KCNN2: variants seen among roughly 807,000 people sequenced by gnomAD.
KCNN2 encodes potassium calcium-activated channel subfamily N member 2.
KCNN2 carries 24 observed loss-of-function variants against 55.5 expected under a neutral mutation model. The ratio of observed to expected loss-of-function variants is 0.43; its 90% CI spans 0.31 to 0.61. The LOEUF (loss-of-function observed/expected upper bound fraction) is 0.61, where lower values mean the gene tolerates loss of function less well. KCNN2 is among the 20% of genes least tolerant of loss of function. The pLI, the probability that KCNN2 is intolerant of heterozygous loss-of-function variation, is 0.08. For missense variants in KCNN2, 754 were observed against 853.6 expected (o/e 0.88, Z 1.45); for synonymous variants, 431 against 336.1 (o/e 1.28, Z -3.09).
At chr5:114,277,069 G>A (rs3112753) in intron 2 of KCNN2, among the ~76,000 whole-genome samples, 136,230 of 151,852 alleles carry the variant, frequency 0.9, 61,513 homozygotes, top group East Asian at 0.94. Flanking sequence ...TTGTCTGTAA[G>A]GGATTTTATA....
At position 114,167,315 on chromosome 5, in the gene KCNN2, G is replaced by A. The variant is rs553739492; in HGVS notation, c.-270-54165G>A. 5.9e-5 allele frequency among the ~76,000 whole-genome samples: 9 copies of A among 152,170 alleles called. No individual in the cohort carries two copies. The South Asian group carries it at 1.9e-3, about 32-fold the overall frequency. On this transcript the variant is annotated intron_variant, in intron 1 of 10. Coordinates refer to the KCNN2 transcript ENST00000512097. ...AATGGTTATTATTTTATGCTACCAA[G>A]TTTGATTTGTTATACAGGATTAATA...
At chr5:114,264,050 C>T (rs4618418) in intron 2 of KCNN2, among the ~76,000 whole-genome samples, 129,938 of 152,186 alleles carry the variant, frequency 0.85, 55,586 homozygotes, top group East Asian at 0.94. Context: ...GTGAACCTGA[C>T]TTTTAGACTA....
At chr5:114,417,721 A>G (rs1281524826) in intron 3 of KCNN2, among the ~76,000 whole-genome samples, 1 of 152,090 alleles carries the variant, frequency 6.6e-6, no homozygotes, top group Non-Finnish European at 1.5e-5. Flanking sequence ...GTTGCCTAAA[A>G]CTTTTGTCTG....
intron 1 of KCNN2, among the ~76,000 whole-genome samples, chr5:114,187,900 C>T (rs764997043): frequency 1.1e-4 from 17 of 151,602 alleles, no homozygotes; most frequent in African/African-American, 1.7e-4. Flanking sequence ...CTGCAACCTC[C>T]GCCTCCTGGG....
chr5:114,491,520 T>C (rs1415682634), intron 6 of KCNN2, among the ~76,000 whole-genome samples: 9 of 150,008 alleles, frequency 6.0e-5, no homozygotes, highest in Admixed American at 4.6e-4. Context: ...TTTTTTTTTT[T>C]TTTTTAAAAA....
intron 1 of KCNN2, among the ~76,000 whole-genome samples, chr5:114,152,490 G>A (rs898513358): frequency 2.0e-5 from 3 of 152,152 alleles, no homozygotes; most frequent in African/African-American, 4.8e-5. Flanking sequence ...TACAATAGGT[G>A]TGCTCTTCAA....
intron 1 of KCNN2, among the ~76,000 whole-genome samples, chr5:114,106,488 A>G (rs1240835393): frequency 6.6e-6 from 1 of 151,936 alleles, no homozygotes; most frequent in Non-Finnish European, 1.5e-5. Flanking sequence ...ACAACAGTAT[A>G]TAAGAGTTAT....
chr5:114,234,528 A>G (rs966101434), intron 2 of KCNN2, among the ~76,000 whole-genome samples: 2 of 152,246 alleles, frequency 1.3e-5, no homozygotes, highest in Non-Finnish European at 2.9e-5. Context: ...CAAGCAAAAC[A>G]TATTCCAAAT....
At chr5:114,462,981 C>A in intron 3 of KCNN2, 68 bp from the exon 4 acceptor site, 2 of 1,465,930 alleles carry the variant, frequency 1.4e-6, no homozygotes, top group East Asian at 2.3e-5. Context: ...TTGAATTGAA[C>A]CAAACCACAC....
chr5:114,432,530 C>T (rs1434950323), intron 3 of KCNN2, among the ~76,000 whole-genome samples: 1 of 152,198 alleles, frequency 6.6e-6, no homozygotes, highest in African/African-American at 2.4e-5. Flanking sequence ...GCAGTCCTCA[C>T]AGCCCTCGCT....
At chr5:114,270,354 A>G (rs1323158918) in intron 2 of KCNN2, among the ~76,000 whole-genome samples, 4 of 152,220 alleles carry the variant, frequency 2.6e-5, no homozygotes, top group African/African-American at 9.6e-5. Context: ...CTAACATACT[A>G]TAAAAGCTGA....
At chr5:114,216,640 T>C (rs2112587764) in intron 1 of KCNN2, among the ~76,000 whole-genome samples, 1 of 152,138 alleles carries the variant, frequency 6.6e-6, no homozygotes, top group East Asian at 1.9e-4. Context: ...ATCCTTAAAT[T>C]GGTAGAGAAT....
At chr5:114,134,462 T>TTGATTGATTGATTG (rs780804439) in intron 1 of KCNN2, among the ~76,000 whole-genome samples, 608 of 58,734 alleles carry the variant, frequency 0.01, 5 homozygotes, top group African/African-American at 0.026. Context: ...AACCATGATT[T>TTGATTGATTGATTG]ATTTATTTAT....
At chr5:114,480,994 T>G (rs1263733878) in intron 5 of KCNN2, among the ~76,000 whole-genome samples, 2 of 152,132 alleles carry the variant, frequency 1.3e-5, no homozygotes, top group Non-Finnish European at 1.5e-5. Flanking sequence ...TTCAACATAG[T>G]ATGGGAAGTT....
intron 1 of KCNN2, among the ~76,000 whole-genome samples, chr5:114,163,211 A>G (rs1443019106): frequency 6.6e-6 from 1 of 152,108 alleles, no homozygotes; most frequent in Non-Finnish European, 1.5e-5. Context: ...GGGGTTTTCT[A>G]GATGTAGGAT....
At chr5:114,391,305 T>C (rs1355650920) in intron 2 of KCNN2, among the ~76,000 whole-genome samples, 3 of 152,172 alleles carry the variant, frequency 2.0e-5, no homozygotes, top group Non-Finnish European at 2.9e-5. Flanking sequence ...CTAATACTTA[T>C]TCATTTGGTC....
intron 3 of KCNN2, among the ~76,000 whole-genome samples, chr5:114,427,601 C>A (rs1759667358): frequency 6.6e-6 from 1 of 152,230 alleles, no homozygotes; most frequent in South Asian, 2.1e-4. Context: ...GATAAAAGCA[C>A]TATACAAGAA....
At chr5:114,287,694 G>T (rs1437853234) in intron 2 of KCNN2, among the ~76,000 whole-genome samples, 1 of 151,548 alleles carries the variant, frequency 6.6e-6, no homozygotes, top group Non-Finnish European at 1.5e-5. Context: ...GCAGTAAACC[G>T]CCATGGCACA....
chr5:114,136,140 G>A (rs1282373004), intron 1 of KCNN2, among the ~76,000 whole-genome samples: 2 of 152,116 alleles, frequency 1.3e-5, no homozygotes, highest in East Asian at 3.8e-4. Flanking sequence ...GAATACTAGA[G>A]ACAAATAAAA....
Sources: allele counts gnomAD v4.1 joint callset (sites outside exome capture counted in the v4.1 genomes callset), GRCh38; gene constraint gnomAD v4.1.1; transcripts MANE v1.5; gene names NCBI Gene and HGNC (gene_info 2026-07-23, HGNC 2026-07-21).